Variants in PLXNA4 observed in about 807,000 individuals in gnomAD.
PLXNA4 encodes plexin A4.
Under a neutral mutation model 191.8 loss-of-function variants are expected in PLXNA4, and 44 were observed. The ratio of observed to expected loss-of-function variants is 0.23; its 90% CI spans 0.18 to 0.29. The LOEUF is 0.29. PLXNA4 is among the 10% of genes least tolerant of loss of function. PLXNA4 has a pLI of 1.00. For missense variants in PLXNA4, 1,800 were observed against 2,488.8 expected, an observed-to-expected ratio of 0.72 and a Z score of 5.89; for synonymous variants, 1,082 against 1,009.5, an observed-to-expected ratio of 1.07 and a Z score of -1.36.
intron 3 of PLXNA4, among the ~76,000 whole-genome samples, chr7:132,338,370 T>C (rs556588823): frequency 6.6e-6 from 1 of 152,230 alleles, no homozygotes; most frequent in South Asian, 2.1e-4. Context: ...TGTTTTAAAA[T>C]CCACTGATGA....
At chr7:132,633,809 C>A (rs2116882093) in intron 2 of PLXNA4, among the ~76,000 whole-genome samples, 1 of 152,282 alleles carries the variant, frequency 6.6e-6, no homozygotes, top group South Asian at 2.1e-4. Flanking sequence ...CCGTCTTTCT[C>A]CAGACTAAAT....
rs80345203 is a variant in PLXNA4 at position 132,207,601 on chromosome 7, G to A, written c.2298+3342C>T. On this transcript the variant is annotated intron_variant, in intron 10 of 31. Transcript: ENST00000321063. ...CTCAAGGCCTGTCCCCGCATAATGGGGTTGGAAATGGCTCCACCACCCCAA... is the reference window on the plus strand; with the variant it reads ...CTCAAGGCCTGTCCCCGCATAATGGAGTTGGAAATGGCTCCACCACCCCAA... 2.4e-4 allele frequency among the ~76,000 whole-genome samples: 36 copies of A among 152,318 alleles called. 1 individual carries two copies. In the East Asian group the frequency reaches 6.9e-3, roughly 29 times the overall value.
At chr7:132,599,063 G>A (rs553174640) in intron 2 of PLXNA4, among the ~76,000 whole-genome samples, 1 of 152,094 alleles carries the variant, frequency 6.6e-6, no homozygotes, top group East Asian at 1.9e-4. Flanking sequence ...CATCTTAACT[G>A]TATATTTGCT....
intron 1 of PLXNA4, among the ~76,000 whole-genome samples, chr7:132,561,728 T>TCCTCCTCCTCCTCCTCC (rs1801104416): frequency 1.7e-5 from 1 of 59,208 alleles, no homozygotes; most frequent in Admixed American, 1.6e-4. Flanking sequence ...TCTCCTCCTC[T>TCCTCCTCCTCCTCCTCC]TCCTCCTCCT....
intron 2 of PLXNA4, among the ~76,000 whole-genome samples, chr7:132,498,128 G>A (rs1798102986): frequency 6.6e-6 from 1 of 151,920 alleles, no homozygotes; most frequent in Admixed American, 6.6e-5. Context: ...GCACAATAAG[G>A]GATTTTTGAG....
rs1563048012 is a variant in PLXNA4 at position 132,132,423 on chromosome 7, TTCTGTTCTGTTCTGTTCTGTTC to T, written c.5589+604_5589+625del. On this transcript the variant is annotated intron_variant, in intron 31 of 31. Coordinates refer to ENST00000321063, the MANE Select transcript of PLXNA4 (RefSeq NM_020911.2). Reference sequence around the variant, plus strand: ...TTCTGTTCTGTTCTGTTCTGTTCTGTTCTGTTCTGTTCTGTTCTGTTCTGTTCTGTTCTGTTCTGTTCTGCTC... The same window carrying T: ...TTCTGTTCTGTTCTGTTCTGTTCTGTTGTTCTGTTCTGTTCTGTTCTGCTC... 3.2e-3 allele frequency among the ~76,000 whole-genome samples: 241 copies of T among 75,668 alleles called. 4 individuals carry two copies. Among genetic ancestry groups the T allele is most frequent in the African/African-American group, 0.011 (229 of 19,954 alleles). 49.6% of individuals were successfully genotyped at this position (75,668 alleles called of 152,430 possible).
intron 31 of PLXNA4, among the ~76,000 whole-genome samples, chr7:132,132,577 A>G (rs914446616): frequency 1.3e-5 from 2 of 150,902 alleles, no homozygotes; most frequent in African/African-American, 2.4e-5. Flanking sequence ...GTTCCATTCC[A>G]TTCCATTCTA....
In PLXNA4 at chr7:132,292,649, C is replaced by T. The variant is rs530000166; in HGVS notation, c.1503+5442G>A. Among the ~76,000 whole-genome samples the T allele has an allele frequency of 2.0e-5, 3 of 152,338 alleles. No individual in the cohort carries two copies. In the South Asian group the frequency reaches 6.2e-4, roughly 32 times the overall value. ...TCTATAAGAATATACCTGGCCCTTT[C>T]TCTGGGTGAGGTCTTCCTCTACCTG... is the stretch of plus-strand genomic sequence containing the variant. On this transcript the variant is annotated intron_variant, in intron 4 of 31. Transcript: ENST00000321063.
At position 132,312,129 on chromosome 7, in the gene PLXNA4, A is replaced by G. The variant is rs1016126640; in HGVS notation, c.1372-13907T>C. Among the ~76,000 whole-genome samples the G allele has an allele frequency of 5.6e-4, 81 of 143,984 alleles. 1 individual carries two copies. Among genetic ancestry groups the G allele is most frequent in the African/African-American group, 2.2e-3 (79 of 36,442 alleles). 94.5% of individuals were successfully genotyped at this position (143,984 alleles called of 152,430 possible). On this transcript the variant is annotated intron_variant, in intron 3 of 31. Coordinates refer to ENST00000321063, the MANE Select transcript of PLXNA4 (RefSeq NM_020911.2). Reference sequence around the variant, plus strand: ...TTGATCCCAGTGAGGGAGGCACCAGAGCCAAAGTGCCTTGAAGGAAAATAA... The same window carrying G: ...TTGATCCCAGTGAGGGAGGCACCAGGGCCAAAGTGCCTTGAAGGAAAATAA...
chr7:132,497,799 G>A (rs1323547473), intron 2 of PLXNA4, among the ~76,000 whole-genome samples: 2 of 152,148 alleles, frequency 1.3e-5, no homozygotes, highest in Non-Finnish European at 2.9e-5. Flanking sequence ...TGTGAGCACA[G>A]GCCATGGAAA....
rs75705737 is a variant in PLXNA4 at position 132,310,157 on chromosome 7, G to A, written c.1372-11935C>T. 5.8e-3 allele frequency among the ~76,000 whole-genome samples: 877 copies of A among 152,352 alleles called. 6 individuals carry two copies. The highest frequency in any genetic ancestry group is 0.02 in the African/African-American group (847 of 41,584). On this transcript the variant is annotated intron_variant, in intron 3 of 31. Coordinates refer to ENST00000321063, the MANE Select transcript of PLXNA4 (RefSeq NM_020911.2). ...AGGCAGGACTTTTCAGACTTGCTTA[G>A]CATCCTCAGCTGAAACACAGGTCTC...
At chr7:132,462,533 TTGTC>T (rs146105522) in intron 3 of PLXNA4, among the ~76,000 whole-genome samples, 6,907 of 152,162 alleles carry the variant, frequency 0.045, 481 homozygotes, top group African/African-American at 0.16. Flanking sequence ...ACTCTCAACT[TTGTC>T]TGTATTTAAG....
chr7:132,347,519 C>G (rs1013553640), intron 3 of PLXNA4, among the ~76,000 whole-genome samples: 2 of 152,176 alleles, frequency 1.3e-5, no homozygotes, highest in Non-Finnish European at 2.9e-5. Context: ...CAAATCAACG[C>G]CAGCTCAATG....
chr7:132,610,766 C>T (rs985674633), intron 2 of PLXNA4, among the ~76,000 whole-genome samples: 1 of 151,858 alleles, frequency 6.6e-6, no homozygotes, highest in African/African-American at 2.4e-5. Context: ...CTCCTCTTCT[C>T]CTCCCAGTTT....
chr7:132,597,433 C>A (rs1246567379), intron 2 of PLXNA4, among the ~76,000 whole-genome samples: 1 of 152,100 alleles, frequency 6.6e-6, no homozygotes, highest in Non-Finnish European at 1.5e-5. Flanking sequence ...TGTCTATGTC[C>A]TTTTACTAAA....
intron 2 of PLXNA4, among the ~76,000 whole-genome samples, chr7:132,592,517 A>AG (rs1668118495): frequency 1.4e-5 from 1 of 72,224 alleles, no homozygotes; most frequent in East Asian, 3.3e-4. Flanking sequence ...ATTTAATTTA[A>AG]CCTTTTTTTT....
intron 24 of PLXNA4, among the ~76,000 whole-genome samples, chr7:132,160,797 C>T (rs1795927556): frequency 6.6e-6 from 1 of 152,174 alleles, no homozygotes; most frequent in African/African-American, 2.4e-5. Flanking sequence ...CAGTCTCTCT[C>T]CCACTCCACC....
rs542755454 is a variant in PLXNA4, at chr7:132,249,863, C to T, written c.1504-8697G>A. On this transcript the variant is annotated intron_variant, in intron 4 of 31. Transcript: ENST00000321063. ...TTACTATACTGCCAGGAAGGTGTGG[C>T]TGAGTTCAGGGGCTGAGGAGCCCCA... 7.9e-5 allele frequency among the ~76,000 whole-genome samples: 12 copies of T among 152,310 alleles called. No individual in the cohort carries two copies. In the East Asian group the frequency reaches 2.1e-3, roughly 27 times the overall value.
At chr7:132,486,310 G>A (rs528985745) in intron 3 of PLXNA4, among the ~76,000 whole-genome samples, 1 of 152,238 alleles carries the variant, frequency 6.6e-6, no homozygotes, top group Non-Finnish European at 1.5e-5. Context: ...GGAAAAGCAA[G>A]TCAGAATTAT....
Sources: gnomAD v4.1 joint callset for allele counts (sites outside exome capture counted in the v4.1 genomes callset) on GRCh38, gnomAD v4.1.1 for gene constraint, MANE v1.5 for transcripts, NCBI Gene and HGNC (gene_info 2026-07-23, HGNC 2026-07-21) for gene names.